The following RGS20 variants were observed in gnomAD, a reference collection of about 807,000 sequenced individuals.
The protein encoded by RGS20 is regulator of G protein signaling 20.
Under a neutral mutation model 33.6 loss-of-function variants are expected in RGS20, and 30 were observed. That is an observed-to-expected ratio of 0.89 (90% confidence interval 0.67 to 1.21). The LOEUF is 1.21. Ranked by LOEUF, RGS20 falls within the 50% of genes most tolerant of loss-of-function variation. RGS20 has a pLI of 0.00. For synonymous variants in RGS20, 208 were observed against 197.9 expected (o/e 1.05, Z -0.43); for missense variants, 472 against 502.4 (o/e 0.94, Z 0.58).
chr8:53,956,508 G>A (rs1349996329), intron 5 of RGS20, among the ~76,000 whole-genome samples: 1 of 152,188 alleles, frequency 6.6e-6, no homozygotes, highest in Non-Finnish European at 1.5e-5. Flanking sequence ...GGGACATGGT[G>A]AGGGCCTAGC....
intron 1 of RGS20, among the ~76,000 whole-genome samples, chr8:53,863,438 G>T (rs1332281834): frequency 6.6e-6 from 1 of 152,108 alleles, no homozygotes; most frequent in South Asian, 2.1e-4. Flanking sequence ...CTTTTTAAAG[G>T]CAGGGAGTAG....
intron 1 of RGS20, among the ~76,000 whole-genome samples, chr8:53,857,307 G>A (rs1021678981): frequency 1.3e-5 from 2 of 152,210 alleles, no homozygotes; most frequent in Non-Finnish European, 2.9e-5. Context: ...AGGCCAAGGG[G>A]ATGTGGCTCC....
intron 2 of RGS20, among the ~76,000 whole-genome samples, chr8:53,893,546 ACAG>A: frequency 2.0e-5 from 3 of 152,298 alleles, no homozygotes; most frequent in African/African-American, 7.2e-5. Context: ...AGCTTCAGTG[ACAG>A]CCGGCTTTGC....
At chr8:53,879,765 G>C in intron 2 of RGS20, 1 of 550,220 alleles carries the variant, frequency 1.8e-6, no homozygotes, top group Non-Finnish European at 3.0e-6. Flanking sequence ...CCTAGGACGG[G>C]ACATTGGCGG....
In RGS20 at chr8:53,879,334, G is replaced by A. The variant is rs770074012; in HGVS notation, c.242G>A (p.Ser81Asn). ...GGCCTCCTTTCTAGCCCGCTTTCCA[G>A]CCTCGCAAGGTTCTTCTCTCACCTT... The change falls in exon 2 of 6, where the codon AGC becomes AAC. Residue 81 changes from serine (S) to asparagine (N), a missense_variant. Transcript: ENST00000297313. 6.2e-6 allele frequency: 10 copies of A among 1,612,682 alleles called. No homozygotes were observed. In the Admixed American group the frequency reaches 1.7e-4, roughly 27 times the overall value.
In RGS20 at chr8:53,959,135, G is replaced by A. The variant is rs1814961696; in HGVS notation, c.*677G>A. 2 of 152,134 alleles carry A rather than the reference G, an allele frequency of 1.3e-5. No individual in the cohort carries two copies. Among genetic ancestry groups the A allele is most frequent in the South Asian group, 4.1e-4 (2 of 4,828 alleles). The allele number at this position is 152,134 out of a possible 1,614,324, so 9.4% of individuals were successfully genotyped here. On this transcript the variant is annotated 3_prime_UTR_variant, in exon 6 of 6. Coordinates refer to ENST00000297313, the MANE Select transcript of RGS20 (RefSeq NM_170587.4). The stretch of plus-strand genomic sequence containing the variant: ...TTAGAAAATTCTTTTGTTGAAAAGA[G>A]TTACTGTTATTATCAGAATTTGCCA...
intron 1 of RGS20, among the ~76,000 whole-genome samples, chr8:53,863,362 C>T (rs2129268636): frequency 1.3e-5 from 2 of 152,304 alleles, no homozygotes; most frequent in Middle Eastern, 6.8e-3. Context: ...CAGCCCTCCA[C>T]CTCACTCCCA....
chr8:53,875,108 G>T (rs183944691), intron 1 of RGS20, among the ~76,000 whole-genome samples: 1 of 152,216 alleles, frequency 6.6e-6, no homozygotes, highest in East Asian at 1.9e-4. Context: ...GAATAACAAG[G>T]GTTCAGTTTT....
chr8:53,881,174 G>A, intron 2 of RGS20, 90 bp downstream of exon 1: 3 of 989,900 alleles, frequency 3.0e-6, no homozygotes, highest in Non-Finnish European at 2.8e-6. Context: ...TGGGAGGGGC[G>A]CGCCGCTCGT....
At chr8:53,905,911 T>C (rs535375821) in intron 2 of RGS20, among the ~76,000 whole-genome samples, 3 of 152,180 alleles carry the variant, frequency 2.0e-5, no homozygotes, top group Non-Finnish European at 4.4e-5. Flanking sequence ...ATGAGATTTG[T>C]CCCTCTCCCC....
At position 53,859,815 on chromosome 8, in the gene RGS20, G is replaced by A. The variant is rs117966455; in HGVS notation, c.165+7751G>A. On this transcript the variant is annotated intron_variant, in intron 1 of 5. Coordinates refer to ENST00000297313, the MANE Select transcript of RGS20 (RefSeq NM_170587.4). The stretch of plus-strand genomic sequence containing the variant: ...GTGGCAGGCAAGAAAGCGTGTGCAG[G>A]GGGACTGCCCTTTATAAAGCCGTCG... Among the ~76,000 whole-genome samples, 126 of 152,316 alleles carry A rather than the reference G, an allele frequency of 8.3e-4. 2 individuals carry two copies. In the East Asian group the frequency reaches 0.022, roughly 27 times the overall value.
rs1046104128 is a variant in RGS20 at position 53,939,462 on chromosome 8, C to T, written c.511-114C>T. 4 of 1,159,008 alleles carry T rather than the reference C, an allele frequency of 3.5e-6. No homozygotes were observed. The African/African-American group carries it at 6.4e-5, about 18-fold the overall frequency. 71.8% of individuals were successfully genotyped at this position (1,159,008 alleles called of 1,614,324 possible). Reference sequence around the variant, plus strand: ...TTTTACGAGAAGTAGCAAAAATGACCTGAATGTAGTCGCACTGTATCTTTT... The same window carrying T: ...TTTTACGAGAAGTAGCAAAAATGACTTGAATGTAGTCGCACTGTATCTTTT... On this transcript the variant is annotated intron_variant, in intron 2 of 5. Coordinates refer to ENST00000297313, the MANE Select transcript of RGS20 (RefSeq NM_170587.4).
intron 2 of RGS20, among the ~76,000 whole-genome samples, chr8:53,933,218 C>G (rs903653857): frequency 6.6e-6 from 1 of 152,164 alleles, no homozygotes; most frequent in African/African-American, 2.4e-5. Context: ...CAAAGGATCA[C>G]AACTCGTTGC....
intron 2 of RGS20, chr8:53,880,892 C>A: frequency 1.3e-6 from 2 of 1,490,732 alleles, no homozygotes; most frequent in South Asian, 1.2e-5. Flanking sequence ...GAGGAAGAGG[C>A]CGGGAGAAGA....
At chr8:53,856,481 A>G (rs1811672649) in intron 1 of RGS20, among the ~76,000 whole-genome samples, 1 of 152,134 alleles carries the variant, frequency 6.6e-6, no homozygotes, top group Non-Finnish European at 1.5e-5. Context: ...GGCCTCCCAA[A>G]GTGCTGAGAT....
chr8:53,864,489 C>T (rs1811879137), intron 1 of RGS20, among the ~76,000 whole-genome samples: 2 of 150,900 alleles, frequency 1.3e-5, no homozygotes, highest in Non-Finnish European at 2.9e-5. Context: ...AAGCCTGCAT[C>T]GGTGAGTCCA....
chr8:53,934,598 A>G (rs558100627), intron 2 of RGS20, among the ~76,000 whole-genome samples: 1 of 152,240 alleles, frequency 6.6e-6, no homozygotes, highest in African/African-American at 2.4e-5. Context: ...AGGAGCATCC[A>G]TATTCATAAA....
rs981660729 is a variant in RGS20, at chr8:53,892,339, C to T, written c.510+12737C>T. ...AAGTCTTTGCTATTGTGAATAGTGC[C>T]GCAATAAACATACATGTGCATGTGT... is the stretch of plus-strand genomic sequence containing the variant. On this transcript the variant is annotated intron_variant, in intron 2 of 5. Coordinates refer to ENST00000297313, the MANE Select transcript of RGS20 (RefSeq NM_170587.4). 7.9e-5 allele frequency among the ~76,000 whole-genome samples: 12 copies of T among 152,064 alleles called. No individual in the cohort carries two copies. The South Asian group carries it at 1.0e-3, about 13-fold the overall frequency.
chr8:53,953,703 G>A (rs1475982749), intron 4 of RGS20, among the ~76,000 whole-genome samples: 6 of 152,094 alleles, frequency 3.9e-5, no homozygotes, highest in South Asian at 2.1e-4. Flanking sequence ...TAGTTCTGTC[G>A]TAGTACAGAA....
Sources: allele counts gnomAD v4.1 joint callset (sites outside exome capture counted in the v4.1 genomes callset), GRCh38; gene constraint gnomAD v4.1.1; transcripts MANE v1.5; gene names NCBI Gene and HGNC (gene_info 2026-07-23, HGNC 2026-07-21).